The following UGT1A10 variants were observed in gnomAD, a reference collection of about 807,000 sequenced individuals.
UGT1A10 encodes the protein UDP-glucuronosyltransferase 1A10.
Under a neutral mutation model 45.8 loss-of-function variants are expected in UGT1A10, and 49 were observed. The observed-to-expected ratio is 1.07, with a 90% confidence interval of 0.85 to 1.36. The LOEUF is 1.36. UGT1A10 is among the 40% of genes most tolerant of loss of function. The pLI, the probability that UGT1A10 is intolerant of heterozygous loss-of-function variation, is 0.00. For missense variants in UGT1A10, 745 were observed against 668.6 expected (o/e 1.11, Z -1.26); for synonymous variants, 284 against 249.7 (o/e 1.14, Z -1.29).
At chr2:233,754,596 T>TA (rs1695527664) in intron 1 of UGT1A10, 1 of 431,834 alleles carries the variant, frequency 2.3e-6, no homozygotes, top group Middle Eastern at 3.5e-4. Flanking sequence ...TGAAGGACTT[T>TA]AACTCAACTC....
At chr2:233,688,000 T>G (rs2074873432) in intron 1 of UGT1A10, among the ~76,000 whole-genome samples, 1 of 152,242 alleles carries the variant, frequency 6.6e-6, no homozygotes, top group African/African-American at 2.4e-5. Flanking sequence ...TTCTGTGTGC[T>G]CCCAGATACA....
intron 1 of UGT1A10, chr2:233,690,911 G>T (rs2075021187): frequency 1.2e-5 from 12 of 1,021,144 alleles, no homozygotes; most frequent in Non-Finnish European, 1.3e-5. Flanking sequence ...AGTGATGTTA[G>T]TTTCATTTCT....
At position 233,758,625 on chromosome 2, in the gene UGT1A10, A is replaced by AC. The variant is rs554859025; in HGVS notation, c.856-8407dup. ...TTCAGTGTGCATGTGCATGCAAAGT[A>AC]CCTACTCTAAGGAGAAGAATGAGAG... On this transcript the variant is annotated intron_variant, in intron 1 of 4. Transcript: ENST00000344644. Among the ~76,000 whole-genome samples the AC allele has an allele frequency of 6.6e-5, 10 of 152,284 alleles. No individual in the cohort carries two copies. The South Asian group carries it at 2.1e-3, about 32-fold the overall frequency.
At chr2:233,753,147 TA>T (rs1254691339) in intron 1 of UGT1A10, 35 of 152,236 alleles carry the variant, frequency 2.3e-4, no homozygotes, top group African/African-American at 7.5e-4. Context: ...TTCACACATG[TA>T]AGTTCCCTTA....
At chr2:233,733,708 A>C (rs1332027237) in intron 1 of UGT1A10, among the ~76,000 whole-genome samples, 1 of 152,236 alleles carries the variant, frequency 6.6e-6, no homozygotes, top group Middle Eastern at 3.2e-3. Flanking sequence ...TTTGGTTTGC[A>C]GAATTTTACT....
chr2:233,735,402 G>GTC (rs746595831), intron 1 of UGT1A10, among the ~76,000 whole-genome samples: 10 of 152,138 alleles, frequency 6.6e-5, no homozygotes, highest in East Asian at 5.8e-4. Context: ...GCCTATGTGT[G>GTC]TCTCTGCATG....
rs1421246171 is a variant in UGT1A10, at chr2:233,747,288, G to T, written c.856-19746G>T. ...TACTCCTTCTCAGTGCCCAGCCCTG[G>T]GCTGAGAGTGGGAAGGTGCTGGTGG... On this transcript the variant is annotated intron_variant, in intron 1 of 4. Transcript: ENST00000344644. 3 of 1,601,214 alleles carry T rather than the reference G, an allele frequency of 1.9e-6. No homozygotes were observed. The African/African-American group carries it at 4.0e-5, about 22-fold the overall frequency.
intron 1 of UGT1A10, among the ~76,000 whole-genome samples, chr2:233,756,653 T>C (rs1696281522): frequency 6.6e-6 from 1 of 152,220 alleles, no homozygotes; most frequent in South Asian, 2.1e-4. Flanking sequence ...AAACATGGGA[T>C]GCAGTGATTA....
chr2:233,661,623 T>TTTTCTTTCTCTCTTTCTTTC (rs1553602619), intron 1 of UGT1A10, among the ~76,000 whole-genome samples: 1 of 123,952 alleles, frequency 8.1e-6, no homozygotes. Flanking sequence ...ACTTACTGAA[T>TTTTCTTTCTCTCTTTCTTTC]TTTCTTTCTT....
intron 1 of UGT1A10, chr2:233,747,685 G>C: frequency 1.2e-6 from 2 of 1,608,708 alleles, no homozygotes; most frequent in Non-Finnish European, 1.7e-6. Context: ...TACCTCTGTG[G>C]GGCAGTGCTG....
chr2:233,667,211 T>A (rs2074098096), intron 1 of UGT1A10, among the ~76,000 whole-genome samples: 1 of 152,176 alleles, frequency 6.6e-6, no homozygotes, highest in South Asian at 2.1e-4. Flanking sequence ...TCTAGATCCC[T>A]GAGGAATAGC....
At chr2:233,732,949 A>G (rs1182362779) in intron 1 of UGT1A10, among the ~76,000 whole-genome samples, 5 of 152,116 alleles carry the variant, frequency 3.3e-5, no homozygotes, top group African/African-American at 1.2e-4. Flanking sequence ...TGAGCATGGA[A>G]TGTTCTTCCA....
intron 1 of UGT1A10, among the ~76,000 whole-genome samples, chr2:233,663,644 G>T (rs2074017335): frequency 6.6e-6 from 1 of 152,146 alleles, no homozygotes; most frequent in Admixed American, 6.5e-5. Context: ...AGGGAATCTA[G>T]TCCCCTGGCA....
intron 1 of UGT1A10, among the ~76,000 whole-genome samples, chr2:233,684,710 T>C (rs999519282): frequency 2.5e-4 from 38 of 152,122 alleles, no homozygotes; most frequent in African/African-American, 8.9e-4. Context: ...TATGTATTAA[T>C]GTATATATTT....
intron 1 of UGT1A10, among the ~76,000 whole-genome samples, chr2:233,764,316 C>T (rs1044416342): frequency 3.3e-5 from 5 of 152,242 alleles, no homozygotes; most frequent in Admixed American, 6.5e-5. Flanking sequence ...TTAAGGGAAG[C>T]TTTGCCAAGT....
intron 1 of UGT1A10, chr2:233,719,745 G>A: frequency 6.2e-7 from 1 of 1,612,936 alleles, no homozygotes; most frequent in Non-Finnish European, 8.5e-7. Flanking sequence ...TTTAAAAAAT[G>A]TATTTACTTA....
In UGT1A10 at chr2:233,747,480, G is replaced by C. The variant is rs1693691129; in HGVS notation, c.856-19554G>C. On this transcript the variant is annotated intron_variant, in intron 1 of 4. Transcript: ENST00000344644. ...CATTTCATGGACCCAGGATGAATTT[G>C]ATCGCCTTGTGCTGGGCCACACTCA... is the stretch of plus-strand genomic sequence containing the variant. 6 of 1,608,868 alleles carry C rather than the reference G, an allele frequency of 3.7e-6. No homozygotes were observed. The South Asian group carries it at 5.5e-5, about 15-fold the overall frequency.
chr2:233,757,560 A>ATATATATATG (rs904896556), intron 1 of UGT1A10, among the ~76,000 whole-genome samples: 18 of 123,146 alleles, frequency 1.5e-4, no homozygotes, highest in African/African-American at 6.1e-4. Flanking sequence ...ATATATATAT[A>ATATATATATG]TGTATATATG....
At chr2:233,662,269 A>G (rs929451361) in intron 1 of UGT1A10, among the ~76,000 whole-genome samples, 2 of 152,184 alleles carry the variant, frequency 1.3e-5, no homozygotes, top group Admixed American at 6.6e-5. Context: ...GTTGCTATAT[A>G]TATTTTAGGC....
Sources: gnomAD v4.1 joint callset for allele counts (sites outside exome capture counted in the v4.1 genomes callset) on GRCh38, gnomAD v4.1.1 for gene constraint, MANE v1.5 for transcripts, NCBI Gene and HGNC (gene_info 2026-07-23, HGNC 2026-07-21) for gene names.